ANK2: variants seen among roughly 807,000 people sequenced by gnomAD.
ANK2 encodes the protein ankyrin 2.
In ANK2, 83 loss-of-function variants were observed where a neutral mutation model predicts 360.5. The observed-to-expected ratio is 0.23, with a 90% CI of 0.19 to 0.28. The LOEUF is 0.28. ANK2 is among the 10% of genes least tolerant of loss of function. The pLI, the probability that ANK2 is intolerant of heterozygous loss-of-function variation, is 1.00. For missense variants in ANK2, 4,201 were observed against 4,795.7 expected, an observed-to-expected ratio of 0.88 and a Z score of 3.66; for synonymous variants, 1,740 against 1,759.5, an observed-to-expected ratio of 0.99 and a Z score of 0.28.
At chr4:112,777,486 C>T in the ANK2 span, among the ~76,000 whole-genome samples, 1 of 152,098 alleles carries the variant, frequency 6.6e-6, no homozygotes, top group Non-Finnish European at 1.5e-5. Flanking sequence ...CGTGATCCGC[C>T]CGCCTCGGCC....
intron 1 of ANK2, among the ~76,000 whole-genome samples, chr4:112,894,674 T>G (rs953505997): frequency 2.6e-5 from 4 of 152,208 alleles, no homozygotes; most frequent in African/African-American, 7.2e-5. Flanking sequence ...CATTTTTTAT[T>G]GGGAGCATGG....
At chr4:112,865,423 A>C (rs1214880599) in intron 1 of ANK2, among the ~76,000 whole-genome samples, 1 of 152,224 alleles carries the variant, frequency 6.6e-6, no homozygotes, top group Non-Finnish European at 1.5e-5. Context: ...ATGTTTATTC[A>C]GGTTTTAAAG....
the ANK2 span, among the ~76,000 whole-genome samples, chr4:112,795,703 A>AC: frequency 7.9e-5 from 12 of 151,676 alleles, no homozygotes; most frequent in Non-Finnish European, 1.3e-4. Context: ...GGGGTTTCAC[A>AC]ATGTTGGCCA....
intron 1 of ANK2, among the ~76,000 whole-genome samples, chr4:113,134,411 A>G (rs2154380255): frequency 6.6e-6 from 1 of 151,290 alleles, no homozygotes; most frequent in South Asian, 2.1e-4. Flanking sequence ...TGGGGAGTGC[A>G]TAGAGATCTC....
At chr4:112,719,314 G>A in the ANK2 span, among the ~76,000 whole-genome samples, 1 of 152,110 alleles carries the variant, frequency 6.6e-6, no homozygotes, top group Non-Finnish European at 1.5e-5. Flanking sequence ...ATCATGTTGG[G>A]GCCTGGAAGT....
intron 15 of ANK2, among the ~76,000 whole-genome samples, chr4:113,276,193 G>A (rs373123263): frequency 2.0e-4 from 31 of 152,076 alleles, no homozygotes; most frequent in African/African-American, 5.8e-4. Flanking sequence ...CACCCACCTC[G>A]GCCTCCTAAA....
intron 1 of ANK2, among the ~76,000 whole-genome samples, chr4:112,871,529 T>G (rs943672378): frequency 6.6e-6 from 1 of 152,214 alleles, no homozygotes; most frequent in Non-Finnish European, 1.5e-5. Flanking sequence ...GAGTTTTCTC[T>G]GTAAAAAATT....
intron 1 of ANK2, among the ~76,000 whole-genome samples, chr4:113,069,161 G>T (rs1303907903): frequency 6.6e-6 from 1 of 152,194 alleles, no homozygotes; most frequent in Non-Finnish European, 1.5e-5. Context: ...AAGCACAGAA[G>T]AGATTCTGTA....
chr4:113,171,672 G>GGGAGCA (rs1193678604), intron 1 of ANK2, among the ~76,000 whole-genome samples: 1 of 152,062 alleles, frequency 6.6e-6, no homozygotes, highest in East Asian at 1.9e-4. Context: ...TCAGAACACT[G>GGGAGCA]GGAGCATTGT....
intron 2 of ANK2, among the ~76,000 whole-genome samples, chr4:112,948,819 G>C (rs1455186555): frequency 6.6e-6 from 1 of 152,068 alleles, no homozygotes; most frequent in Non-Finnish European, 1.5e-5. Flanking sequence ...TATTCTCCTT[G>C]TTTTTAGATG....
chr4:113,356,652 C>G lies in ANK2; in HGVS notation c.8034C>G (p.Asp2678Glu). ...TGGCACAGCTTAAAAAAGGTGCTGA[C>G]TCAGGCCTTTTACCAGAACCAGTGA... ...PELAQLKKGADSGLLPEPVIR... is the reference protein window; with the variant it reads ...PELAQLKKGAESGLLPEPVIR... Residue 2678 changes from aspartate to glutamate, a missense_variant, in exon 38 of 46, where the codon GAC (aspartate) becomes GAG (glutamate). By Grantham distance (45) the Asp-to-Glu change is conservative (BLOSUM62 2). Coordinates refer to ENST00000357077, the MANE Select transcript of ANK2 (RefSeq NM_001148.6). The G allele has an allele frequency of 6.2e-7, 1 of 1,614,122 alleles. No individual in the cohort carries two copies. Among genetic ancestry groups the G allele is most frequent in the Non-Finnish European group, 8.5e-7 (1 of 1,179,984 alleles).
intron 30 of ANK2, 62 bp downstream of exon 30, chr4:113,336,119 CT>C: frequency 6.4e-7 from 1 of 1,551,636 alleles, no homozygotes; most frequent in East Asian, 2.3e-5. Flanking sequence ...TAAAAATTAG[CT>C]TTGTCAAGGA....
intron 45 of ANK2, among the ~76,000 whole-genome samples, chr4:113,375,956 G>A (rs112240448): frequency 1.3e-5 from 2 of 152,016 alleles, no homozygotes; most frequent in African/African-American, 4.8e-5. Flanking sequence ...TGCCATCTTC[G>A]CTCTGGAGTA....
At chr4:113,095,988 A>G (rs931742478) in intron 1 of ANK2, among the ~76,000 whole-genome samples, 3 of 152,212 alleles carry the variant, frequency 2.0e-5, no homozygotes, top group African/African-American at 7.2e-5. Flanking sequence ...TTGTCTGATT[A>G]GAACCCTTCT....
intron 1 of ANK2, among the ~76,000 whole-genome samples, chr4:112,852,303 A>G (rs987333788): frequency 1.3e-5 from 2 of 152,052 alleles, no homozygotes; most frequent in Non-Finnish European, 2.9e-5. Flanking sequence ...TTCTAACTCA[A>G]TTTCCACCCA....
the ANK2 span, among the ~76,000 whole-genome samples, chr4:112,736,748 G>A: frequency 1.3e-5 from 2 of 152,134 alleles, no homozygotes; most frequent in Admixed American, 6.5e-5. Flanking sequence ...GGTAACATTC[G>A]TGACTGTGTC....
chr4:113,051,977 A>G (rs1250154143), intron 1 of ANK2, among the ~76,000 whole-genome samples: 1 of 152,166 alleles, frequency 6.6e-6, no homozygotes, highest in Non-Finnish European at 1.5e-5. Context: ...CTTTTGAGAG[A>G]GGCAGAAATG....
chr4:113,343,209 G>T, intron 34 of ANK2, 67 bp downstream of exon 34: 1 of 1,557,302 alleles, frequency 6.4e-7, no homozygotes, highest in Non-Finnish European at 8.8e-7. Flanking sequence ...ACTTCCTTTA[G>T]TAATAGAAAA....
At chr4:112,779,720 C>T in the ANK2 span, among the ~76,000 whole-genome samples, 2 of 152,178 alleles carry the variant, frequency 1.3e-5, no homozygotes, top group Non-Finnish European at 1.5e-5. Context: ...CGCATTCACA[C>T]ACATTTTAAT....
Sources: gnomAD v4.1 joint callset for allele counts (sites outside exome capture counted in the v4.1 genomes callset) on GRCh38, gnomAD v4.1.1 for gene constraint, MANE v1.5 for transcripts, NCBI Gene and HGNC (gene_info 2026-07-23, HGNC 2026-07-21) for gene names.